Variants in DNAH17 observed in about 807,000 individuals in gnomAD.
The protein encoded by DNAH17 is axonemal beta dynein heavy chain 17.
DNAH17 carries 376 observed loss-of-function variants against 485.6 expected under a neutral mutation model. That is an observed-to-expected ratio of 0.77 (90% CI 0.71 to 0.84). The LOEUF (loss-of-function observed/expected upper bound fraction) is 0.84. Ranked by LOEUF, DNAH17 falls within the 40% of genes least tolerant of loss-of-function variation. The probability of loss-of-function intolerance (pLI) is 0.00; values close to 1 mark genes in which losing one functional copy is unlikely to be tolerated. For missense variants in DNAH17, 6,370 were observed against 5,839.3 expected, an observed-to-expected ratio of 1.09 and a Z score of -2.96; for synonymous variants, 3,031 against 2,405.9, an observed-to-expected ratio of 1.26 and a Z score of -7.60.
chr17:78,510,580 T>C, intron 26 of DNAH17, 74 bp from the exon 27 acceptor site: 4 of 1,581,176 alleles, frequency 2.5e-6, no homozygotes, highest in Non-Finnish European at 3.5e-6. Context: ...TCATGATCCT[T>C]CATGGAGAGC....
intron 51 of DNAH17, 137 bp from the exon 52 acceptor site, chr17:78,476,870 G>A (rs2089053259): frequency 1.8e-6 from 2 of 1,082,698 alleles, no homozygotes; most frequent in Admixed American, 5.8e-5. Flanking sequence ...GCATTCACTT[G>A]GGGCCAGGGA....
intron 12 of DNAH17, 149 bp downstream of exon 12, chr17:78,561,566 A>G: frequency 1.1e-6 from 1 of 930,534 alleles, no homozygotes; most frequent in Non-Finnish European, 1.5e-6. Flanking sequence ...AGGAGGGAGG[A>G]CCAGAAGGGG....
At chr17:78,463,184 C>A in intron 56 of DNAH17, 107 bp from the exon 57 acceptor site, 1 of 981,386 alleles carries the variant, frequency 1.0e-6, no homozygotes, top group Non-Finnish European at 1.5e-6. Flanking sequence ...CCTGAGACCG[C>A]TCTCAACCTC....
chr17:78,460,202 G>A lies in DNAH17; in HGVS notation c.9395C>T (p.Ala3132Val), dbSNP rs370301040. The A allele has an allele frequency of 6.2e-7, 1 of 1,609,144 alleles. No homozygotes were observed. The highest frequency in any genetic ancestry group is 1.3e-5 in the African/African-American group (1 of 74,866). Residue 3132 changes from alanine to valine, a missense_variant, in exon 59 of 81, where the codon GCC (alanine) becomes GTC (valine). Transcript: ENST00000389840. ...CETDLAKAEP[A>V]LLAAQEALDT... ...CAGAGCCTCCTGGGCTGCCAGCAGG[G>A]CCGGTTCTGCTTTGGCCAGGTCTGT...
At chr17:78,524,338 A>G (rs912041788) in intron 25 of DNAH17, among the ~76,000 whole-genome samples, 5 of 152,084 alleles carry the variant, frequency 3.3e-5, no homozygotes, top group Non-Finnish European at 7.4e-5. Flanking sequence ...GGGTTTCATC[A>G]TGTTGGCTAG....
At chr17:78,470,654 A>G (rs942409932) in intron 54 of DNAH17, among the ~76,000 whole-genome samples, 3 of 152,192 alleles carry the variant, frequency 2.0e-5, no homozygotes, top group African/African-American at 7.2e-5. Context: ...GTGCCATTGC[A>G]CTCCAGTCTG....
chr17:78,494,680 T>C lies in DNAH17; in HGVS notation c.6183A>G (p.Thr2061=). The C allele has an allele frequency of 1.9e-6, 3 of 1,613,992 alleles. No homozygotes were observed. Among genetic ancestry groups the C allele is most frequent in the Non-Finnish European group, 2.5e-6 (3 of 1,179,902 alleles). ...LRDFNIPKIV[T]DDLPVFMGLI... is the part of the protein sequence containing the mutation. ...GTCCCATGAATACGGGCAGGTCGTC[T>C]GTCACAATCTTGGGGATGTTGAAGT... The change falls in exon 40 of 81, where the codon ACA becomes ACG. Residue 2061 remains threonine (T), a synonymous_variant. Coordinates refer to ENST00000389840, the MANE Select transcript of DNAH17 (RefSeq NM_173628.4).
At chr17:78,496,069 A>ATG in intron 37 of DNAH17, 37 bp from the exon 38 acceptor site, 3 of 1,594,940 alleles carry the variant, frequency 1.9e-6, no homozygotes, top group Non-Finnish European at 1.7e-6. Context: ...TAGCATGGAA[A>ATG]TGGCCAGCTT....
chr17:78,493,279 C>A (rs2089940721), intron 41 of DNAH17: 1 of 159,148 alleles, frequency 6.3e-6, no homozygotes, highest in African/African-American at 2.4e-5. Flanking sequence ...GGGAAGCTAA[C>A]TGTTCACTGT....
chr17:78,430,984 G>A (rs1000552672), intron 75 of DNAH17, among the ~76,000 whole-genome samples: 7 of 151,968 alleles, frequency 4.6e-5, no homozygotes, highest in Non-Finnish European at 7.4e-5. Context: ...GGGTTCAAGC[G>A]ACCCTCCCAC....
chr17:78,525,612 G>A (rs1205203236), intron 24 of DNAH17, among the ~76,000 whole-genome samples: 3 of 152,256 alleles, frequency 2.0e-5, no homozygotes, highest in East Asian at 3.8e-4. Context: ...CCTGGTGATA[G>A]TGGGTGTGTT....
At chr17:78,450,546 C>T in intron 67 of DNAH17, 136 bp downstream of exon 67, 2 of 1,415,966 alleles carry the variant, frequency 1.4e-6, no homozygotes, top group Non-Finnish European at 1.9e-6. Context: ...CAGACCCCTT[C>T]TCCTGCCCTG....
At chr17:78,530,624 C>T (rs565727523) in intron 20 of DNAH17, 112 bp from the exon 21 acceptor site, 19 of 1,318,104 alleles carry the variant, frequency 1.4e-5, no homozygotes, top group South Asian at 2.9e-5. Flanking sequence ...GCTCACCTGC[C>T]GGCCACTCTG....
Position 78,494,994 on chromosome 17 carries a change from G to A in DNAH17, c.6007C>T (p.Leu2003=), listed in dbSNP as rs1472638056. Residue 2003 remains leucine (L), a synonymous_variant, in exon 39 of 81, where the codon CTG becomes TTG. Coordinates refer to ENST00000389840, the MANE Select transcript of DNAH17 (RefSeq NM_173628.4). ...AGCAGCTCCTTGCACAAGGTGTACAGGGTGATGAACTTCCTGGCCAGAAGG... is the reference window on the plus strand; with the variant it reads ...AGCAGCTCCTTGCACAAGGTGTACAAGGTGATGAACTTCCTGGCCAGAAGG... ...ARLLARKFIT[L]YTLCKELLSK... is the part of the protein sequence containing the mutation. The A allele has an allele frequency of 3.7e-6, 6 of 1,613,308 alleles. No individual in the cohort carries two copies. The Admixed American group carries it at 6.7e-5, about 18-fold the overall frequency.
At chr17:78,437,530 G>A (rs2086888083) in intron 74 of DNAH17, 111 bp downstream of exon 74, 1 of 710,744 alleles carries the variant, frequency 1.4e-6, no homozygotes, top group South Asian at 2.0e-5. Flanking sequence ...AGCCCAGAGG[G>A]GAGGTGTCCC....
In DNAH17 at chr17:78,561,848, C is replaced by T. The variant is rs2092163055; in HGVS notation, c.1702G>A (p.Ala568Thr). 3 of 1,613,854 alleles carry T rather than the reference C, an allele frequency of 1.9e-6. No homozygotes were observed. The highest frequency in any genetic ancestry group is 1.7e-6 in the Non-Finnish European group (2 of 1,179,890). Residue 568 changes from alanine to threonine, a missense_variant, in exon 12 of 81, where the codon GCG becomes ACG. Ala to Thr is a moderately conservative substitution (Grantham distance 58, BLOSUM62 0). Coordinates refer to ENST00000389840, the MANE Select transcript of DNAH17 (RefSeq NM_173628.4). ...GGGATGTTCCCCTCCTCGGAGGCCGCCATCTGGGCATCGTACAAGATCTTA... is the reference window on the plus strand; with the variant it reads ...GGGATGTTCCCCTCCTCGGAGGCCGTCATCTGGGCATCGTACAAGATCTTA... ...NAKILYDAQM[A>T]ASEEGNIPLI...
intron 19 of DNAH17, 59 bp from the exon 20 acceptor site, chr17:78,532,795 G>A (rs2091277137): frequency 1.3e-6 from 2 of 1,497,542 alleles, no homozygotes; most frequent in African/African-American, 2.8e-5. Flanking sequence ...CATAATTTAG[G>A]TGTTGTCCTC....
At chr17:78,500,082 G>T (rs543270780) in intron 36 of DNAH17, 1 of 525,300 alleles carries the variant, frequency 1.9e-6, no homozygotes, top group Non-Finnish European at 3.3e-6. Context: ...AGGGGCTGGG[G>T]CAGGACATTT....
intron 56 of DNAH17, among the ~76,000 whole-genome samples, chr17:78,464,653 G>A (rs370342444): frequency 3.9e-5 from 6 of 152,242 alleles, no homozygotes; most frequent in African/African-American, 1.4e-4. Context: ...GTGCCCTTGT[G>A]TATACTTATT....
Sources: allele counts gnomAD v4.1 joint callset (sites outside exome capture counted in the v4.1 genomes callset), GRCh38; gene constraint gnomAD v4.1.1; transcripts MANE v1.5; gene names NCBI Gene and HGNC (gene_info 2026-07-23, HGNC 2026-07-21).